HCN1: variants seen among roughly 807,000 people sequenced by gnomAD.
The protein encoded by HCN1 is hyperpolarization activated cyclic nucleotide gated potassium channel 1, also known as potassium/sodium hyperpolarization-activated cyclic nucleotide-gated channel 1.
Under a neutral mutation model 78.9 loss-of-function variants are expected in HCN1, and 13 were observed. The ratio of observed to expected loss-of-function variants is 0.16; its 90% CI spans 0.11 to 0.26. The LOEUF (loss-of-function observed/expected upper bound fraction) is 0.26, where lower values mean the gene tolerates loss of function less well. Ranked by LOEUF, HCN1 falls within the 10% of genes least tolerant of loss-of-function variation. The pLI, the probability that HCN1 is intolerant of heterozygous loss-of-function variation, is 1.00. For synonymous variants in HCN1, 552 were observed against 455.5 expected (o/e 1.21, Z -2.70); for missense variants, 810 against 1,154.3 (o/e 0.70, Z 4.32).
chr5:45,544,444 T>C (rs557527926), intron 2 of HCN1, among the ~76,000 whole-genome samples: 52 of 152,104 alleles, frequency 3.4e-4, no homozygotes, highest in African/African-American at 1.1e-3. Context: ...TGGCATCTTC[T>C]GAATTTTTTT....
intron 2 of HCN1, among the ~76,000 whole-genome samples, chr5:45,545,582 TC>T (rs1324438315): frequency 6.6e-6 from 1 of 152,170 alleles, no homozygotes; most frequent in Non-Finnish European, 1.5e-5. Context: ...TGGTTTTAGG[TC>T]TAACATGTAA....
intron 3 of HCN1, among the ~76,000 whole-genome samples, chr5:45,436,217 T>C (rs1740558124): frequency 1.3e-5 from 2 of 152,228 alleles, no homozygotes; most frequent in Non-Finnish European, 2.9e-5. Context: ...TATTTCATTT[T>C]GGCAGAAGAT....
intron 2 of HCN1, among the ~76,000 whole-genome samples, chr5:45,564,930 T>C (rs1216779952): frequency 1.3e-5 from 2 of 152,210 alleles, no homozygotes; most frequent in Admixed American, 6.6e-5. Context: ...ACTTCCTTTT[T>C]TCCTCTGCCC....
intron 7 of HCN1, among the ~76,000 whole-genome samples, chr5:45,266,217 T>C (rs1579765768): frequency 6.6e-6 from 1 of 152,192 alleles, no homozygotes; most frequent in South Asian, 2.1e-4. Flanking sequence ...TATATTTTTT[T>C]ATTTGGTAGC....
intron 6 of HCN1, 104 bp from the exon 7 acceptor site, chr5:45,267,357 C>G (rs1744878448): frequency 7.4e-6 from 7 of 945,932 alleles, no homozygotes; most frequent in Non-Finnish European, 1.1e-5. Context: ...TGTGAAAAAA[C>G]AATTATTAGC....
chr5:45,594,933 G>T (rs998787653), intron 2 of HCN1, among the ~76,000 whole-genome samples: 1 of 152,144 alleles, frequency 6.6e-6, no homozygotes, highest in East Asian at 1.9e-4. Context: ...GAGTGTTTGA[G>T]TTAAAACATC....
intron 2 of HCN1, among the ~76,000 whole-genome samples, chr5:45,589,174 A>G (rs1744304606): frequency 6.6e-6 from 1 of 152,226 alleles, no homozygotes; most frequent in Admixed American, 6.5e-5. Flanking sequence ...TGTAAGAATC[A>G]GCCTCAGAAG....
rs1477851731 is a variant in HCN1, at chr5:45,257,836, A to G, written c.*4085T>C. 6.6e-6 allele frequency: 1 copy of G among 152,112 alleles called. No individual in the cohort carries two copies. Among genetic ancestry groups the G allele is most frequent in the Non-Finnish European group, 1.5e-5 (1 of 68,028 alleles). 9.4% of individuals were successfully genotyped at this position (152,112 alleles called of 1,614,324 possible). ...TGTATTTTATTTATTTGTATGTGCT[A>G]CAATTTGGTGCATGCAGCAACCACA... On this transcript the variant is annotated 3_prime_UTR_variant, in exon 8 of 8. Transcript: ENST00000303230.
In HCN1 at chr5:45,457,237, C is replaced by T. The variant is rs141281118; in HGVS notation, c.1011+4609G>A. Among the ~76,000 whole-genome samples the T allele has an allele frequency of 3.7e-4, 57 of 152,054 alleles. 1 individual carries two copies. The East Asian group carries it at 7.0e-3, about 19-fold the overall frequency. ...TTTGAGATTCAGTTCAAAATTAATA[C>T]GCAAGTTAACGTGCATCATTTATTT... On this transcript the variant is annotated intron_variant, in intron 3 of 7. Transcript: ENST00000303230.
rs972488709 is a variant in HCN1, at chr5:45,255,122, T to C, written c.*6799A>G. ...TAATACCTAACACATATTAGTTTTC[T>C]CTTCCCTGGTTCTAACTAGCAAGTG... On this transcript the variant is annotated 3_prime_UTR_variant, in exon 8 of 8. Coordinates refer to ENST00000303230, the MANE Select transcript of HCN1 (RefSeq NM_021072.4). 1.3e-5 allele frequency: 2 copies of C among 152,258 alleles called. No homozygotes were observed. The highest frequency in any genetic ancestry group is 4.8e-5 in the African/African-American group (2 of 41,472). The allele number at this position is 152,258 out of a possible 1,614,324, so 9.4% of individuals were successfully genotyped here.
chr5:45,367,163 T>C (rs1024914906), intron 4 of HCN1, among the ~76,000 whole-genome samples: 1 of 151,778 alleles, frequency 6.6e-6, no homozygotes, highest in Non-Finnish European at 1.5e-5. Context: ...ATCATAGTCC[T>C]TGAGTCTTAA....
chr5:45,344,368 AT>A (rs1746652946), intron 5 of HCN1, among the ~76,000 whole-genome samples: 1 of 152,118 alleles, frequency 6.6e-6, no homozygotes, highest in South Asian at 2.1e-4. Context: ...ACCAAATCTC[AT>A]GTCCTCACAT....
At chr5:45,314,555 G>T (rs1745935162) in intron 5 of HCN1, among the ~76,000 whole-genome samples, 1 of 152,096 alleles carries the variant, frequency 6.6e-6, no homozygotes, top group East Asian at 1.9e-4. Flanking sequence ...CCAATTAAAA[G>T]ACACAGACTG....
chr5:45,664,083 A>G (rs1220408663), intron 1 of HCN1, among the ~76,000 whole-genome samples: 1 of 117,622 alleles, frequency 8.5e-6, no homozygotes, highest in African/African-American at 3.4e-5. Context: ...GATAGACTGG[A>G]TTAAGAAAAT....
At chr5:45,475,723 C>A (rs947091766) in intron 2 of HCN1, among the ~76,000 whole-genome samples, 1 of 151,900 alleles carries the variant, frequency 6.6e-6, no homozygotes, top group Non-Finnish European at 1.5e-5. Flanking sequence ...TTATTTTTTT[C>A]TTTTGGTATG....
chr5:45,266,831 T>G (rs528211098), intron 7 of HCN1, among the ~76,000 whole-genome samples: 287 of 151,958 alleles, frequency 1.9e-3, no homozygotes, highest in African/African-American at 6.5e-3. Flanking sequence ...GCCTCAGCCT[T>G]CTGAGTGGCT....
intron 5 of HCN1, among the ~76,000 whole-genome samples, chr5:45,336,246 G>A (rs540700127): frequency 6.6e-5 from 10 of 152,046 alleles, no homozygotes; most frequent in South Asian, 2.1e-4. Flanking sequence ...CAGCCAGAGC[G>A]CAACCAGAGA....
chr5:45,675,388 C>T (rs1310222615), intron 1 of HCN1, among the ~76,000 whole-genome samples: 1 of 151,776 alleles, frequency 6.6e-6, no homozygotes, highest in Non-Finnish European at 1.5e-5. Flanking sequence ...ATCCAGAACA[C>T]TCATTCTCTA....
intron 5 of HCN1, among the ~76,000 whole-genome samples, chr5:45,332,856 T>C (rs573238986): frequency 2.6e-5 from 4 of 151,760 alleles, no homozygotes; most frequent in Non-Finnish European, 5.9e-5. Flanking sequence ...ATTCATTTTG[T>C]ATAAGTATCA....
Sources: allele counts gnomAD v4.1 joint callset (sites outside exome capture counted in the v4.1 genomes callset), GRCh38; gene constraint gnomAD v4.1.1; transcripts MANE v1.5; gene names NCBI Gene and HGNC (gene_info 2026-07-23, HGNC 2026-07-21).